MBP: variants seen among roughly 807,000 people sequenced by gnomAD.
MBP encodes the protein myelin basic protein, also known as Golli-MBP.
Under a neutral mutation model 35.8 loss-of-function variants are expected in MBP, and 16 were observed. The observed-to-expected ratio is 0.45, with a 90% CI of 0.30 to 0.68. The LOEUF (loss-of-function observed/expected upper bound fraction) is 0.68. Among genes scored for constraint, MBP ranks in the 30% least tolerant of loss-of-function variants. MBP has a pLI of 0.08. For synonymous variants in MBP, 143 were observed against 159.6 expected (o/e 0.90, Z 0.78); for missense variants, 380 against 404.7 (o/e 0.94, Z 0.52).
rs752270820 is a variant in MBP at position 77,017,219 on chromosome 18, C to T, written c.189G>A (p.Ala63=). 6 of 1,523,616 alleles carry T rather than the reference C, an allele frequency of 3.9e-6. No homozygotes were observed. The East Asian group carries it at 9.1e-5, about 23-fold the overall frequency. 94.4% of individuals were successfully genotyped at this position (1,523,616 alleles called of 1,614,324 possible). ...QNNGTSSQDT[A]VTDSKRTADP... ...CCGCTGTGCGCTTGGAGTCAGTCAC[C>T]GCTGTGTCCTGAGAGGAGGTCCCAT... The change falls in exon 4 of 9, where the codon GCG becomes GCA. Residue 63 remains alanine, a synonymous_variant. Coordinates refer to ENST00000355994, the MANE Select transcript of MBP (RefSeq NM_001025101.2).
intron 2 of MBP, among the ~76,000 whole-genome samples, chr18:77,076,484 G>A (rs979749662): frequency 5.9e-5 from 9 of 152,240 alleles, no homozygotes; most frequent in Admixed American, 5.2e-4. Flanking sequence ...TGCCCTCTGA[G>A]AGCATCGAGG....
chr18:76,985,451 C>T (rs12958866), intron 7 of MBP: 332,098 of 1,192,000 alleles, frequency 0.28, 48,282 homozygotes, highest in Admixed American at 0.32. Context: ...CAAGAGTCCT[C>T]GGCCTTAGTA....
Position 77,020,017 on chromosome 18 carries a change from CTG to C in MBP, c.140-2751_140-2750del, listed in dbSNP as rs1351082578. ...CACAGCCTTGATGGCTGTGAACAGA[CTG>C]TGGAAAGGGCAGAGCAGGCAGCTAT... On this transcript the variant is annotated intron_variant, in intron 3 of 8. Coordinates refer to ENST00000355994, the MANE Select transcript of MBP (RefSeq NM_001025101.2). The surrounding 1 kb of genome is among the most constrained non-coding windows in gnomAD (Gnocchi z 4.1). Among the ~76,000 whole-genome samples the C allele has an allele frequency of 3.3e-5, 5 of 152,064 alleles. No homozygotes were observed. The highest frequency in any genetic ancestry group is 7.4e-5 in the Non-Finnish European group (5 of 67,992).
intron 2 of MBP, among the ~76,000 whole-genome samples, chr18:77,078,275 C>T (rs1974742931): frequency 6.6e-6 from 1 of 152,196 alleles, no homozygotes. Context: ...GGGCTGAAAG[C>T]TGCTTTTTGT....
chr18:77,106,957 A>C (rs528869732), intron 1 of MBP, among the ~76,000 whole-genome samples: 2 of 152,300 alleles, frequency 1.3e-5, no homozygotes, highest in South Asian at 2.1e-4. Flanking sequence ...AACCAAGGGA[A>C]AGGCCAAATT....
chr18:77,021,936 T>A (rs1346699164), intron 3 of MBP, among the ~76,000 whole-genome samples: 4 of 152,174 alleles, frequency 2.6e-5, no homozygotes, highest in African/African-American at 9.7e-5. Flanking sequence ...CACTGAGGTC[T>A]CATCTGGGGG....
intron 4 of MBP, among the ~76,000 whole-genome samples, chr18:77,012,341 C>T (rs2123426056): frequency 6.6e-6 from 1 of 152,360 alleles, no homozygotes; most frequent in East Asian, 1.9e-4. Context: ...GTGGGGCGGG[C>T]TGTGTCCATG....
chr18:77,054,363 A>C (rs1973637841), intron 3 of MBP, among the ~76,000 whole-genome samples: 2 of 152,186 alleles, frequency 1.3e-5, no homozygotes, highest in Admixed American at 1.3e-4. Flanking sequence ...CAAGAGACTT[A>C]AGGAGGAGGG....
intron 7 of MBP, chr18:76,986,214 C>G: frequency 1.0e-6 from 1 of 985,488 alleles, no homozygotes; most frequent in Non-Finnish European, 1.2e-6. Flanking sequence ...CCAGACTGCA[C>G]TTTACATTTT....
intron 2 of MBP, among the ~76,000 whole-genome samples, chr18:77,096,382 A>T (rs1975757849): frequency 1.3e-5 from 2 of 152,202 alleles, no homozygotes. Flanking sequence ...CAGATTCTGC[A>T]GGGGGTGTGA....
At chr18:77,032,956 C>A (rs1298319773) in intron 3 of MBP, among the ~76,000 whole-genome samples, 5 of 152,094 alleles carry the variant, frequency 3.3e-5, no homozygotes, top group African/African-American at 1.2e-4. Context: ...ATATGGCTGA[C>A]TTTGTTTAAT....
chr18:77,019,760 C>A (rs1971914989), intron 3 of MBP, among the ~76,000 whole-genome samples: 1 of 152,176 alleles, frequency 6.6e-6, no homozygotes, highest in South Asian at 2.1e-4. Flanking sequence ...AGTCTGGGCC[C>A]TGCGAGGACT....
rs1374019374 is a variant in MBP at position 77,101,194 on chromosome 18, C to T, written c.51+4017G>A. The stretch of plus-strand genomic sequence containing the variant: ...CTGTGGGTGGGTCTTGCCCCCTGCC[C>T]CTCTCCTGGCATTGAGGCACGTCCC... On this transcript the variant is annotated intron_variant, in intron 2 of 8. Coordinates refer to ENST00000355994, the MANE Select transcript of MBP (RefSeq NM_001025101.2). This position sits in a 1 kb window ranked among gnomAD's most constrained non-coding sequence, Gnocchi z 4.3. Among the ~76,000 whole-genome samples the T allele has an allele frequency of 6.6e-6, 1 of 152,218 alleles. No homozygotes were observed. Among genetic ancestry groups the T allele is most frequent in the African/African-American group, 2.4e-5 (1 of 41,458 alleles).
chr18:77,115,899 A>C (rs1220872466), intron 1 of MBP, among the ~76,000 whole-genome samples: 1 of 152,194 alleles, frequency 6.6e-6, no homozygotes, highest in African/African-American at 2.4e-5. Flanking sequence ...AAAAGAAGGC[A>C]ATGTGTGGTC....
At position 77,128,889 on chromosome 18, in the gene MBP, T is replaced by A. The variant is rs1977147594; in HGVS notation, c.-26+3691A>T. ...ATTCTCTAACATCTTTGTTCCTATT[T>A]ACATTCTAGTCGAACTCATGTGAGG... On this transcript the variant is annotated intron_variant, in intron 1 of 8. Coordinates refer to ENST00000355994, the MANE Select transcript of MBP (RefSeq NM_001025101.2). 2.0e-5 allele frequency among the ~76,000 whole-genome samples: 3 copies of A among 152,360 alleles called. 1 individual carries two copies. In the South Asian group the frequency reaches 6.2e-4, roughly 32 times the overall value.
At chr18:77,024,319 T>C (rs1972110859) in intron 3 of MBP, among the ~76,000 whole-genome samples, 2 of 151,386 alleles carry the variant, frequency 1.3e-5, no homozygotes, top group African/African-American at 4.9e-5. Flanking sequence ...ATTCTTCTTC[T>C]TCCAATGTGG....
At position 76,980,258 on chromosome 18, in the gene MBP, C is replaced by G; in HGVS notation, c.*169G>C. On this transcript the variant is annotated 3_prime_UTR_variant, in exon 9 of 9. Transcript: ENST00000355994. ...TTCATGTTCTCATTTAACTGTTGGC[C>G]GGAAATTGCCGGTAGGCTGCCGTGG... 1 of 733,128 alleles carries G rather than the reference C, an allele frequency of 1.4e-6. No individual in the cohort carries two copies. The highest frequency in any genetic ancestry group is 2.5e-6 in the Non-Finnish European group (1 of 399,544). 45.4% of individuals were successfully genotyped at this position (733,128 alleles called of 1,614,324 possible).
At chr18:77,081,254 G>A (rs1336447526) in intron 2 of MBP, among the ~76,000 whole-genome samples, 1 of 152,156 alleles carries the variant, frequency 6.6e-6, no homozygotes, top group Non-Finnish European at 1.5e-5. Flanking sequence ...ACACTGTCGA[G>A]AAAGGGACAG....
In MBP at chr18:77,084,429, CACCACACA is replaced by C. The variant is rs1975129428; in HGVS notation, c.52-18052_52-18045del. Among the ~76,000 whole-genome samples, 4 of 29,824 alleles carry C rather than the reference CACCACACA, an allele frequency of 1.3e-4. No homozygotes were observed. The East Asian group carries it at 4.1e-3, about 31-fold the overall frequency. 19.6% of individuals were successfully genotyped at this position (29,824 alleles called of 152,430 possible). A position where few individuals can be genotyped will look rare whatever the true frequency, so the allele number is the denominator to read the frequency against. On this transcript the variant is annotated intron_variant, in intron 2 of 8. Transcript: ENST00000355994. ...CAACACCGCCCCCCCCGCCACACCACACCACACACACACACACACACACACACACACAC... is the reference window on the plus strand; with the variant it reads ...CAACACCGCCCCCCCCGCCACACCACCACACACACACACACACACACACAC...
Sources: allele counts gnomAD v4.1 joint callset (sites outside exome capture counted in the v4.1 genomes callset), GRCh38; gene constraint gnomAD v4.1.1; non-coding constraint Gnocchi (gnomAD v3.1); transcripts MANE v1.5; gene names NCBI Gene and HGNC (gene_info 2026-07-23, HGNC 2026-07-21).